Variants in SLC14A2 observed in about 807,000 individuals in gnomAD.
The protein encoded by SLC14A2 is solute carrier family 14 member 2, also known as urea transporter 2.
In SLC14A2, 91 loss-of-function variants were observed where a neutral mutation model predicts 104.6. The ratio of observed to expected loss-of-function variants is 0.87; its 90% confidence interval spans 0.73 to 1.04. The LOEUF (loss-of-function observed/expected upper bound fraction) is 1.04. Ranked by LOEUF, SLC14A2 falls within the 50% of genes least tolerant of loss-of-function variation. SLC14A2 has a pLI of 0.00. For missense variants in SLC14A2, 1,189 were observed against 1,156.0 expected (o/e 1.03, Z -0.41); for synonymous variants, 476 against 466.4 (o/e 1.02, Z -0.27).
intron 1 of SLC14A2, among the ~76,000 whole-genome samples, chr18:45,357,366 A>G (rs2085565738): frequency 6.6e-6 from 1 of 151,626 alleles, no homozygotes; most frequent in African/African-American, 2.4e-5. Flanking sequence ...AATCCTAGCA[A>G]TTTGGGAGAC....
intron 10 of SLC14A2, among the ~76,000 whole-genome samples, chr18:45,649,749 C>T (rs964185542): frequency 6.6e-6 from 1 of 152,252 alleles, no homozygotes; most frequent in Admixed American, 6.5e-5. Context: ...AGTCTCTCCC[C>T]TCAGTGGTCT....
intron 1 of SLC14A2, among the ~76,000 whole-genome samples, chr18:45,365,251 G>C (rs563508377): frequency 2.0e-4 from 31 of 152,272 alleles, no homozygotes; most frequent in African/African-American, 6.7e-4. Context: ...CCTTTTTCTA[G>C]CTCTGTGACC....
In SLC14A2 at chr18:45,560,643, A is replaced by T. The variant is rs148324833; in HGVS notation, c.-34-63988A>T. ...AATGAAAAGTGATAACAAAAATAAG[A>T]AACACAGGAAGCCATAAAGTTTAAA... On this transcript the variant is annotated intron_variant, in intron 2 of 20. Coordinates refer to the SLC14A2 transcript ENST00000586448. Among the ~76,000 whole-genome samples the T allele has an allele frequency of 2.6e-3, 389 of 152,318 alleles. 1 individual carries two copies. The highest frequency in any genetic ancestry group is 8.8e-3 in the African/African-American group (366 of 41,554).
chr18:45,208,474 C>A (rs1338101464), upstream of SLC14A2, among the ~76,000 whole-genome samples: 3 of 152,138 alleles, frequency 2.0e-5, no homozygotes, highest in Non-Finnish European at 4.4e-5. Flanking sequence ...TCTGGGTCCA[C>A]CTCTGCTTTC....
intron 1 of SLC14A2, among the ~76,000 whole-genome samples, chr18:45,475,169 T>G (rs1457892701): frequency 6.6e-6 from 1 of 152,232 alleles, no homozygotes; most frequent in Non-Finnish European, 1.5e-5. Flanking sequence ...TTGTTCAGTT[T>G]CCACATAGTT....
chr18:45,417,844 C>T (rs1014678613), intron 1 of SLC14A2, among the ~76,000 whole-genome samples: 1 of 152,094 alleles, frequency 6.6e-6, no homozygotes, highest in Non-Finnish European at 1.5e-5. Flanking sequence ...AGAATGCATT[C>T]AAGGAGGAAA....
At position 45,272,631 on chromosome 18, in the gene SLC14A2, T is replaced by C. The variant is rs547856395; in HGVS notation, c.-125+59440T>C. Among the ~76,000 whole-genome samples the C allele has an allele frequency of 7.2e-5, 11 of 151,808 alleles. No homozygotes were observed. In the South Asian group the frequency reaches 1.7e-3, roughly 23 times the overall value. ...GGAAGGGTAATGGGAGGTTGAGGGG[T>C]AGATGAGGATGGTTAATGGGTACAA... On this transcript the variant is annotated intron_variant, in intron 1 of 20. Coordinates refer to the SLC14A2 transcript ENST00000586448.
intron 1 of SLC14A2, among the ~76,000 whole-genome samples, chr18:45,250,750 T>TCTGA (rs1392032914): frequency 1.8e-4 from 25 of 142,192 alleles, no homozygotes; most frequent in African/African-American, 5.8e-4. Context: ...GCTAGTGGCT[T>TCTGA]CTTCCTTTTT....
intron 1 of SLC14A2, among the ~76,000 whole-genome samples, chr18:45,288,400 G>T (rs544533209): frequency 6.6e-6 from 1 of 152,310 alleles, no homozygotes; most frequent in Non-Finnish European, 1.5e-5. Context: ...CCCTCAGTGG[G>T]GCAGGAGCAA....
chr18:45,542,331 G>C (rs2043904465), intron 2 of SLC14A2: 2 of 151,936 alleles, frequency 1.3e-5, no homozygotes, highest in African/African-American at 4.8e-5. Context: ...GAATGGGCAA[G>C]GGGAAGACAG....
At chr18:45,315,535 T>C (rs1464261473) in intron 1 of SLC14A2, among the ~76,000 whole-genome samples, 1 of 152,114 alleles carries the variant, frequency 6.6e-6, no homozygotes, top group African/African-American at 2.4e-5. Context: ...AGGCTGAGAA[T>C]TTTCCTGGCT....
intron 2 of SLC14A2, among the ~76,000 whole-genome samples, chr18:45,598,529 G>C (rs764334575): frequency 6.6e-6 from 1 of 152,144 alleles, no homozygotes; most frequent in East Asian, 1.9e-4. Context: ...TTTTATGACT[G>C]TGTTGGTATT....
chr18:45,498,111 G>C (rs946861690), intron 2 of SLC14A2, among the ~76,000 whole-genome samples: 1 of 150,516 alleles, frequency 6.6e-6, no homozygotes, highest in African/African-American at 2.4e-5. Flanking sequence ...CCAAGGACCA[G>C]AAAAAAAAAC....
At chr18:45,644,898 T>C (rs1469428385) in intron 10 of SLC14A2, among the ~76,000 whole-genome samples, 1 of 152,192 alleles carries the variant, frequency 6.6e-6, no homozygotes, top group Non-Finnish European at 1.5e-5. Context: ...GTGCAGAACA[T>C]GCAGGTTTGT....
At chr18:45,301,835 C>T (rs187356257) in intron 1 of SLC14A2, among the ~76,000 whole-genome samples, 1 of 152,324 alleles carries the variant, frequency 6.6e-6, no homozygotes, top group Non-Finnish European at 1.5e-5. Context: ...CAGTCTGGCC[C>T]ATTTATTTGT....
the SLC14A2 span, among the ~76,000 whole-genome samples, chr18:45,184,805 A>C: frequency 6.6e-6 from 1 of 152,248 alleles, no homozygotes; most frequent in Non-Finnish European, 1.5e-5. Flanking sequence ...GAAGTAGAGC[A>C]GGTTTCAAAG....
chr18:45,647,144 T>G (rs1218478865), intron 10 of SLC14A2: 1 of 152,208 alleles, frequency 6.6e-6, no homozygotes, highest in Non-Finnish European at 1.5e-5. Flanking sequence ...GCCATGACAG[T>G]CTTGTCCTGC....
At chr18:45,458,877 G>A (rs2086991436) in intron 1 of SLC14A2, among the ~76,000 whole-genome samples, 1 of 152,166 alleles carries the variant, frequency 6.6e-6, no homozygotes, top group Admixed American at 6.5e-5. Flanking sequence ...ACTAAAGTTG[G>A]AGAATTTACA....
intron 2 of SLC14A2, among the ~76,000 whole-genome samples, chr18:45,484,766 T>C (rs1178098796): frequency 6.6e-6 from 1 of 150,950 alleles, no homozygotes; most frequent in African/African-American, 2.4e-5. Flanking sequence ...TTTTGTTTGT[T>C]GACTGGTTGG....
Sources: allele counts gnomAD v4.1 joint callset (sites outside exome capture counted in the v4.1 genomes callset), GRCh38; gene constraint gnomAD v4.1.1; transcripts MANE v1.5; gene names NCBI Gene and HGNC (gene_info 2026-07-23, HGNC 2026-07-21).